The following PHF20 variants were observed in gnomAD, a reference collection of about 807,000 sequenced individuals.
PHF20 encodes glioma-expressed antigen 2.
PHF20 carries 23 observed loss-of-function variants against 113.5 expected under a neutral mutation model. The observed-to-expected ratio is 0.20, with a 90% CI of 0.15 to 0.29. The LOEUF (loss-of-function observed/expected upper bound fraction) is 0.29. Among genes scored for constraint, PHF20 ranks in the 10% least tolerant of loss-of-function variants. The probability of loss-of-function intolerance (pLI) is 1.00; values close to 1 mark genes in which losing one functional copy is unlikely to be tolerated. For missense variants in PHF20, 943 were observed against 1,219.6 expected (o/e 0.77, Z 3.38); for synonymous variants, 434 against 457.3 (o/e 0.95, Z 0.65).
At chr20:35,902,451 G>A (rs958097112) in intron 10 of PHF20, among the ~76,000 whole-genome samples, 1 of 152,214 alleles carries the variant, frequency 6.6e-6, no homozygotes, top group African/African-American at 2.4e-5. Flanking sequence ...ACCCATGGAA[G>A]TCCTGCTTGC....
intron 1 of PHF20, among the ~76,000 whole-genome samples, chr20:35,773,501 A>G (rs1429486750): frequency 4.0e-5 from 6 of 151,492 alleles, no homozygotes; most frequent in Non-Finnish European, 7.4e-5. Context: ...CCAGAGTCAC[A>G]CCTCCTGAAT....
At chr20:35,773,024 C>G (rs1170056360) in intron 1 of PHF20, among the ~76,000 whole-genome samples, 1 of 152,186 alleles carries the variant, frequency 6.6e-6, no homozygotes, top group African/African-American at 2.4e-5. Context: ...AATTCACTGC[C>G]TTCTCCCGAG....
intron 2 of PHF20, among the ~76,000 whole-genome samples, chr20:35,827,547 G>A (rs1234161996): frequency 1.3e-5 from 2 of 152,016 alleles, no homozygotes; most frequent in Admixed American, 1.3e-4. Flanking sequence ...CACTTTGGGA[G>A]GCTGAGGTGG....
intron 3 of PHF20, among the ~76,000 whole-genome samples, chr20:35,844,543 C>A (rs913416658): frequency 4.2e-5 from 5 of 117,710 alleles, no homozygotes; most frequent in Non-Finnish European, 8.7e-5. Flanking sequence ...TTCACCATCA[C>A]CACACACACA....
intron 2 of PHF20, 33 bp downstream of exon 2, chr20:35,801,638 T>C (rs762875516): frequency 6.8e-7 from 1 of 1,469,022 alleles, no homozygotes; most frequent in Non-Finnish European, 9.5e-7. Context: ...ATTAAAGCCC[T>C]TCAGTAAAGG....
chr20:35,788,254 GC>G (rs1569118284), intron 1 of PHF20, among the ~76,000 whole-genome samples: 1 of 151,236 alleles, frequency 6.6e-6, no homozygotes, highest in Non-Finnish European at 1.5e-5. Flanking sequence ...CCGCCACCAC[GC>G]CCGGCTAATT....
chr20:35,801,215 GT>G (rs1030726306), intron 1 of PHF20, among the ~76,000 whole-genome samples: 1 of 152,166 alleles, frequency 6.6e-6, no homozygotes, highest in African/African-American at 2.4e-5. Context: ...GAAAGCAGTT[GT>G]TTTTTTGTAG....
At chr20:35,894,404 G>C (rs1197648433) in intron 9 of PHF20, among the ~76,000 whole-genome samples, 1 of 152,146 alleles carries the variant, frequency 6.6e-6, no homozygotes, top group Non-Finnish European at 1.5e-5. Context: ...CTTCCCTTAA[G>C]AATCTGGATA....
chr20:35,870,059 C>CT, intron 7 of PHF20, among the ~76,000 whole-genome samples: 1 of 151,146 alleles, frequency 6.6e-6, no homozygotes. Flanking sequence ...AATCCCAGCA[C>CT]TTTGGGAGGC....
At chr20:35,837,867 G>C (rs576475683) in intron 2 of PHF20, among the ~76,000 whole-genome samples, 2 of 152,288 alleles carry the variant, frequency 1.3e-5, no homozygotes, top group African/African-American at 4.8e-5. Context: ...GGTTTTTGCA[G>C]CCTCCCTCTT....
intron 1 of PHF20, among the ~76,000 whole-genome samples, chr20:35,793,999 A>AC (rs1569121835): frequency 2.1e-5 from 3 of 141,554 alleles, no homozygotes; most frequent in South Asian, 2.3e-4. Context: ...CTGTCTCAAA[A>AC]AAAAAAAAAA....
At chr20:35,803,611 C>T (rs2041825919) in intron 2 of PHF20, among the ~76,000 whole-genome samples, 1 of 151,604 alleles carries the variant, frequency 6.6e-6, no homozygotes, top group Admixed American at 6.6e-5. Flanking sequence ...AGGCGTGAGC[C>T]ACCAAGCCTG....
At chr20:35,849,445 C>T (rs1431364458) in intron 4 of PHF20, 2 of 471,084 alleles carry the variant, frequency 4.2e-6, no homozygotes, top group Middle Eastern at 6.5e-4. Context: ...AATAGAGCTA[C>T]CAGGAGGAGG....
chr20:35,797,246 C>T (rs2041684477), intron 1 of PHF20, among the ~76,000 whole-genome samples: 1 of 151,640 alleles, frequency 6.6e-6, no homozygotes, highest in Non-Finnish European at 1.5e-5. Context: ...GGCGTGGTGG[C>T]TCATGCCTGT....
chr20:35,937,229 G>A (rs1163738813), intron 15 of PHF20, among the ~76,000 whole-genome samples: 4 of 152,156 alleles, frequency 2.6e-5, no homozygotes, highest in Non-Finnish European at 5.9e-5. Flanking sequence ...AGCACTTTGG[G>A]AGGTCGAGGT....
chr20:35,945,793 A>T (rs186205180), intron 17 of PHF20, among the ~76,000 whole-genome samples: 1 of 152,302 alleles, frequency 6.6e-6, no homozygotes, highest in East Asian at 1.9e-4. Context: ...GTAGAGAAAT[A>T]CTTGTTCTCA....
At chr20:35,862,120 C>G (rs771571711) in intron 5 of PHF20, among the ~76,000 whole-genome samples, 1 of 152,154 alleles carries the variant, frequency 6.6e-6, no homozygotes, top group Non-Finnish European at 1.5e-5. Flanking sequence ...GAGAACATAA[C>G]TAAGAAGCGG....
chr20:35,858,424 A>T, intron 5 of PHF20, 43 bp downstream of exon 5: 1 of 1,047,670 alleles, frequency 9.5e-7, no homozygotes, highest in Non-Finnish European at 1.5e-6. Context: ...AATAATGCTA[A>T]CATTGTAGTT....
At position 35,947,734 on chromosome 20, in the gene PHF20, C is replaced by T; in HGVS notation, c.*107C>T. The stretch of plus-strand genomic sequence containing the variant: ...GCATGCTGAATGCACGTGACACCGA[C>T]TGACTTCAGGGATCTGGGCCAGGAG... On this transcript the variant is annotated 3_prime_UTR_variant, in exon 18 of 18. Coordinates refer to ENST00000374012, the MANE Select transcript of PHF20 (RefSeq NM_016436.5). The T allele has an allele frequency of 8.4e-7, 1 of 1,196,312 alleles. No individual in the cohort carries two copies. The highest frequency in any genetic ancestry group is 1.2e-6 in the Non-Finnish European group (1 of 848,620). 74.1% of individuals were successfully genotyped at this position (1,196,312 alleles called of 1,614,324 possible).
Sources: gnomAD v4.1 joint callset for allele counts (sites outside exome capture counted in the v4.1 genomes callset) on GRCh38, gnomAD v4.1.1 for gene constraint, MANE v1.5 for transcripts, NCBI Gene and HGNC (gene_info 2026-07-23, HGNC 2026-07-21) for gene names.